NBEA: variants seen among roughly 807,000 people sequenced by gnomAD.
NBEA encodes neurobeachin.
A neutral mutation model predicts 343.4 loss-of-function variants in NBEA; 44 were observed. That is an observed-to-expected ratio of 0.13 (90% CI 0.10 to 0.16). The LOEUF (loss-of-function observed/expected upper bound fraction) is 0.16. Ranked by LOEUF, NBEA falls within the 10% of genes least tolerant of loss-of-function variation. NBEA has a pLI of 1.00. For synonymous variants in NBEA, 1,175 were observed against 1,238.7 expected (o/e 0.95, Z 1.08); for missense variants, 2,555 against 3,631.3 (o/e 0.70, Z 7.62).
chr13:35,583,899 C>A lies in NBEA; in HGVS notation c.7037C>A (p.Pro2346Gln). 1 of 1,605,156 alleles carries A rather than the reference C, an allele frequency of 6.2e-7. No individual in the cohort carries two copies. Among genetic ancestry groups the A allele is most frequent in the Admixed American group, 1.7e-5 (1 of 57,988 alleles). The change falls in exon 46 of 59, where the codon CCA becomes CAA. Residue 2346 changes from proline (P) to glutamine (Q), a missense_variant and splice_region_variant. This residue lies in a region of NBEA where 156 missense variants were observed against 185.8 expected (regional missense o/e 0.84). Coordinates refer to ENST00000379939, the MANE Select transcript of NBEA (RefSeq NM_001385012.1). Reference protein sequence around the residue: ...LPGNFRDLSKPIGALNPKRAV... With the variant: ...LPGNFRDLSKQIGALNPKRAV... Reference sequence around the variant, plus strand: ...AAAATATTTTTTTTCTTTTAATAGCCAATTGGTGCTTTGAACCCCAAGAGA... The same window carrying A: ...AAAATATTTTTTTTCTTTTAATAGCAAATTGGTGCTTTGAACCCCAAGAGA...
chr13:34,977,558 C>T (rs1414336851), intron 1 of NBEA, among the ~76,000 whole-genome samples: 1 of 152,182 alleles, frequency 6.6e-6, no homozygotes, highest in Non-Finnish European at 1.5e-5. Context: ...ATCCTCCCAC[C>T]TCGGCCTCCC....
intron 23 of NBEA, among the ~76,000 whole-genome samples, chr13:35,162,894 A>G (rs935726793): frequency 1.3e-5 from 2 of 152,116 alleles, no homozygotes; most frequent in African/African-American, 4.8e-5. Context: ...CTGCCATAGA[A>G]AGATTTTACT....
chr13:34,992,946 G>C, intron 1 of NBEA, among the ~76,000 whole-genome samples: 1 of 150,744 alleles, frequency 6.6e-6, no homozygotes, highest in Non-Finnish European at 1.5e-5. Context: ...GCCTCCCAAA[G>C]TGCTGGGATT....
chr13:35,566,087 G>A (rs1376812540), intron 44 of NBEA, among the ~76,000 whole-genome samples: 1 of 152,134 alleles, frequency 6.6e-6, no homozygotes, highest in Non-Finnish European at 1.5e-5. Flanking sequence ...TCACAGCCAG[G>A]TGCAGTGGCT....
chr13:35,570,908 C>T (rs1938680311), intron 45 of NBEA, among the ~76,000 whole-genome samples: 1 of 152,076 alleles, frequency 6.6e-6, no homozygotes, highest in Admixed American at 6.6e-5. Flanking sequence ...GAGATGTCCA[C>T]TAAGAAGCAC....
intron 41 of NBEA, chr13:35,474,970 G>A (rs2075797204): frequency 4.5e-6 from 6 of 1,347,774 alleles, no homozygotes; most frequent in East Asian, 2.3e-5. Context: ...TTTGCACTGC[G>A]GAGTGGAATA....
At chr13:35,587,125 G>T (rs1274910479) in intron 46 of NBEA, among the ~76,000 whole-genome samples, 1 of 151,998 alleles carries the variant, frequency 6.6e-6, no homozygotes, top group Admixed American at 6.6e-5. Context: ...CCTATTAGCT[G>T]TGCGGAAACC....
intron 38 of NBEA, 26 bp from the exon 39 acceptor site, chr13:35,432,243 A>G: frequency 6.4e-7 from 1 of 1,567,234 alleles, no homozygotes; most frequent in South Asian, 1.2e-5. Flanking sequence ...ATTAATAGGG[A>G]TTACTTTTTT....
At chr13:35,124,384 T>TATTTAAAATA (rs2066966424) in intron 17 of NBEA, among the ~76,000 whole-genome samples, 1 of 151,300 alleles carries the variant, frequency 6.6e-6, no homozygotes, top group South Asian at 2.1e-4. Flanking sequence ...ATTTTTAAAA[T>TATTTAAAATA]TTCGGTACCA....
At chr13:35,501,400 T>G (rs1170410360) in intron 41 of NBEA, among the ~76,000 whole-genome samples, 6 of 152,152 alleles carry the variant, frequency 3.9e-5, no homozygotes, top group Non-Finnish European at 1.5e-5. Flanking sequence ...ATTAAAAAAT[T>G]ATTGTCATTG....
intron 38 of NBEA, among the ~76,000 whole-genome samples, chr13:35,412,972 G>T (rs980943541): frequency 6.6e-6 from 1 of 152,090 alleles, no homozygotes; most frequent in African/African-American, 2.4e-5. Flanking sequence ...GTTGAGTAGT[G>T]AGTAGATATG....
chr13:35,645,171 A>G (rs1244373674), intron 49 of NBEA, among the ~76,000 whole-genome samples: 1 of 152,202 alleles, frequency 6.6e-6, no homozygotes, highest in African/African-American at 2.4e-5. Flanking sequence ...CTATGTCAAG[A>G]GCCATCTACC....
rs747037643 is a variant in NBEA at position 35,159,220 on chromosome 13, G to T, written c.3049G>T (p.Asp1017Tyr). The T allele has an allele frequency of 6.2e-7, 1 of 1,613,480 alleles. No individual in the cohort carries two copies. The highest frequency in any genetic ancestry group is 8.5e-7 in the Non-Finnish European group (1 of 1,179,610). ...AAGCCAGAGCCCAGAAAGTGAGACC[G>T]ATTACCCTGTCAGCACAGATACTCG... Reference protein sequence around the residue: ...SQSQSPESETDYPVSTDTRDL... With the variant: ...SQSQSPESETYYPVSTDTRDL... Residue 1017 changes from aspartate (D) to tyrosine (Y), a missense_variant, in exon 22 of 59, where the codon GAT becomes TAT. Asp to Tyr is a radical substitution (Grantham distance 160, BLOSUM62 -3). Transcript: ENST00000379939.
chr13:35,086,018 G>T (rs150027756), intron 10 of NBEA, among the ~76,000 whole-genome samples: 13,644 of 151,994 alleles, frequency 0.09, 864 homozygotes, highest in Non-Finnish European at 0.14. Flanking sequence ...AATCCAACTT[G>T]CAAGGGACGT....
intron 40 of NBEA, among the ~76,000 whole-genome samples, chr13:35,460,896 C>T (rs2046866243): frequency 6.6e-6 from 1 of 152,156 alleles, no homozygotes; most frequent in Non-Finnish European, 1.5e-5. Flanking sequence ...GTGGTGAGGG[C>T]CTTCTTGCTG....
intron 47 of NBEA, among the ~76,000 whole-genome samples, chr13:35,595,316 A>G (rs1198898604): frequency 6.6e-6 from 1 of 152,104 alleles, no homozygotes; most frequent in Non-Finnish European, 1.5e-5. Context: ...ATCCTCAAGC[A>G]GCTGTACTGA....
chr13:35,321,849 G>T (rs943575125), intron 36 of NBEA, among the ~76,000 whole-genome samples: 1 of 152,158 alleles, frequency 6.6e-6, no homozygotes, highest in Admixed American at 6.5e-5. Context: ...GCTGAGCTGC[G>T]GAGGGCTCCG....
intron 36 of NBEA, among the ~76,000 whole-genome samples, chr13:35,347,739 T>C (rs2039968452): frequency 1.3e-5 from 2 of 151,934 alleles, no homozygotes; most frequent in Non-Finnish European, 2.9e-5. Context: ...CTTAAACCAG[T>C]AATCAGTTTT....
At chr13:35,655,083 A>G (rs2153081741) in intron 54 of NBEA, 73 bp downstream of exon 54, 2 of 1,213,128 alleles carry the variant, frequency 1.6e-6, no homozygotes, top group Non-Finnish European at 2.2e-6. Context: ...ATATGAAATC[A>G]TACTTAATGT....
Sources: allele counts gnomAD v4.1 joint callset (sites outside exome capture counted in the v4.1 genomes callset), GRCh38; gene constraint gnomAD v4.1.1; regional missense constraint gnomAD v4.1.1; transcripts MANE v1.5; gene names NCBI Gene and HGNC (gene_info 2026-07-23, HGNC 2026-07-21).